The following DYRK2 variants were observed in gnomAD, a reference collection of about 807,000 sequenced individuals.
The protein encoded by DYRK2 is dual specificity tyrosine phosphorylation regulated kinase 2.
A neutral mutation model predicts 41.6 loss-of-function variants in DYRK2; 12 were observed. The ratio of observed to expected loss-of-function variants is 0.29; its 90% CI spans 0.18 to 0.47. DYRK2 has a LOEUF of 0.47. DYRK2 is among the 20% of genes least tolerant of loss of function. The probability of loss-of-function intolerance (pLI) is 1.00; values close to 1 mark genes in which losing one functional copy is unlikely to be tolerated. For missense variants in DYRK2, 678 were observed against 798.4 expected, an observed-to-expected ratio of 0.85 and a Z score of 1.82; for synonymous variants, 322 against 315.7, an observed-to-expected ratio of 1.02 and a Z score of -0.21.
intron 2 of DYRK2, 120 bp from the exon 3 acceptor site, chr12:67,656,986 C>T (rs1565803993): frequency 4.4e-6 from 5 of 1,129,226 alleles, no homozygotes; most frequent in Non-Finnish European, 4.8e-6. Context: ...GGCTTTTACT[C>T]AAACCAAATG....
At position 67,649,922 on chromosome 12, in the gene DYRK2, A is replaced by C. The variant is rs1489658953; in HGVS notation, c.175A>C (p.Asn59His). 1.4e-6 allele frequency: 2 copies of C among 1,380,196 alleles called. No homozygotes were observed. Among genetic ancestry groups the C allele is most frequent in the African/African-American group, 1.5e-5 (1 of 65,694 alleles). The allele number at this position is 1,380,196 out of a possible 1,614,324, so 85.5% of individuals were successfully genotyped here. ...CGCCCTGCCGCCTCTCCGGGCCAGC[A>C]ACGCTGCCGCCGCAGCCCACACGGT... ...PIALPPLRAS[N>H]AAAAAHTIGG... is the part of the protein sequence containing the mutation. Residue 59 changes from asparagine (N) to histidine (H), a missense_variant, in exon 2 of 3, where the codon AAC becomes CAC. By Grantham distance (68) the Asn-to-His change is moderately conservative. This residue lies in a region of DYRK2 where 285 missense variants were observed against 279.2 expected (regional missense o/e 1.02). Transcript: ENST00000344096.
chr12:67,653,966 TAATG>T (rs1872396686), intron 2 of DYRK2, among the ~76,000 whole-genome samples: 1 of 152,336 alleles, frequency 6.6e-6, no homozygotes, highest in South Asian at 2.1e-4. Context: ...AGGACAATAA[TAATG>T]CTCTCATTGA....
In DYRK2 at chr12:67,663,514, C is replaced by A. The variant is rs1209240428; in HGVS notation, c.*4801C>A. ...ATGCCATAAGAGTTCCCAATTGCCT[C>A]GTCATAGCCTGGGCCATAGATTTTT... is the stretch of plus-strand genomic sequence containing the variant. On this transcript the variant is annotated 3_prime_UTR_variant, in exon 3 of 3. Coordinates refer to ENST00000344096, the MANE Select transcript of DYRK2 (RefSeq NM_006482.3). The A allele has an allele frequency of 3.3e-5, 5 of 152,100 alleles. No individual in the cohort carries two copies. Among genetic ancestry groups the A allele is most frequent in the Non-Finnish European group, 5.9e-5 (4 of 67,986 alleles). The allele number at this position is 152,100 out of a possible 1,614,324, so 9.4% of individuals were successfully genotyped here.
intron 2 of DYRK2, among the ~76,000 whole-genome samples, chr12:67,652,201 A>G (rs963307552): frequency 1.6e-4 from 25 of 152,216 alleles, no homozygotes; most frequent in African/African-American, 5.5e-4. Context: ...CTTTTGTTTT[A>G]TATCTCCATG....
At chr12:67,651,392 A>C (rs1872317511) in intron 2 of DYRK2, 1 of 314,410 alleles carries the variant, frequency 3.2e-6, no homozygotes, top group Non-Finnish European at 6.2e-6. Flanking sequence ...TTTGGTTTGC[A>C]TGTGGATTCC....
intron 2 of DYRK2, among the ~76,000 whole-genome samples, chr12:67,652,928 C>A (rs1419718903): frequency 6.6e-6 from 1 of 152,192 alleles, no homozygotes; most frequent in Non-Finnish European, 1.5e-5. Context: ...CTCCGGGGTT[C>A]AAGCGATTCT....
chr12:67,651,218 T>C (rs1872312622), intron 2 of DYRK2, among the ~76,000 whole-genome samples: 2 of 152,244 alleles, frequency 1.3e-5, no homozygotes, highest in Non-Finnish European at 2.9e-5. Context: ...TGTATATTAC[T>C]GTTAAGTGTT....
Position 67,661,974 on chromosome 12 carries a change from G to A in DYRK2, c.*3261G>A, listed in dbSNP as rs1872634287. ...GGCCAGGGATTTTTACAATTTGGGT[G>A]CAAGGCACTTAAGCCACTTTTAAAC... On this transcript the variant is annotated 3_prime_UTR_variant, in exon 3 of 3. Transcript: ENST00000344096. 1 of 166,458 alleles carries A rather than the reference G, an allele frequency of 6.0e-6. No individual in the cohort carries two copies. The highest frequency in any genetic ancestry group is 2.1e-4 in the South Asian group (1 of 4,830). 10.3% of individuals were successfully genotyped at this position (166,458 alleles called of 1,614,324 possible).
Position 67,661,629 on chromosome 12 carries a change from C to G in DYRK2, c.*2916C>G, listed in dbSNP as rs1287097927. Reference sequence around the variant, plus strand: ...AATGGAACCCATCTCTGCAAAGATACATCTGTCTTAAATATCTAGTTACAG... The same window carrying G: ...AATGGAACCCATCTCTGCAAAGATAGATCTGTCTTAAATATCTAGTTACAG... On this transcript the variant is annotated 3_prime_UTR_variant, in exon 3 of 3. Transcript: ENST00000344096. The G allele has an allele frequency of 6.0e-6, 1 of 166,964 alleles. No individual in the cohort carries two copies. Among genetic ancestry groups the G allele is most frequent in the African/African-American group, 2.4e-5 (1 of 41,406 alleles). The allele number at this position is 166,964 out of a possible 1,614,324, so 10.3% of individuals were successfully genotyped here.
At chr12:67,654,505 G>A (rs899568896) in intron 2 of DYRK2, among the ~76,000 whole-genome samples, 9 of 152,202 alleles carry the variant, frequency 5.9e-5, no homozygotes, top group Admixed American at 5.9e-4. Context: ...TTACGATGCT[G>A]CCTCAGTTGT....
chr12:67,652,047 A>T (rs1199679739), intron 2 of DYRK2, among the ~76,000 whole-genome samples: 1 of 151,926 alleles, frequency 6.6e-6, no homozygotes, highest in African/African-American at 2.4e-5. Context: ...TCTAGAATGA[A>T]TGGGGGGCGG....
intron 2 of DYRK2, 119 bp from the exon 3 acceptor site, chr12:67,656,987 A>G: frequency 6.1e-6 from 7 of 1,148,202 alleles, no homozygotes; most frequent in Non-Finnish European, 8.3e-6. Context: ...GCTTTTACTC[A>G]AACCAAATGG....
rs1378553403 is a variant in DYRK2 at position 67,648,951 on chromosome 12, G to T, written c.-183G>T. 5 of 408,752 alleles carry T rather than the reference G, an allele frequency of 1.2e-5. No homozygotes were observed. Among genetic ancestry groups the T allele is most frequent in the Non-Finnish European group, 1.7e-5 (4 of 235,938 alleles). 25.3% of individuals were successfully genotyped at this position (408,752 alleles called of 1,614,324 possible). On this transcript the variant is annotated 5_prime_UTR_variant, in exon 1 of 3. Transcript: ENST00000344096. ...GGAGAGCGGGGGGCTCGCGGCGGCG[G>T]GCCCCGGCCGAGGGGATGCAGTGGA...
intron 2 of DYRK2, among the ~76,000 whole-genome samples, chr12:67,655,579 G>A (rs1235372629): frequency 6.6e-6 from 1 of 152,146 alleles, no homozygotes; most frequent in Non-Finnish European, 1.5e-5. Flanking sequence ...TGATAAAAAA[G>A]CTCAGTTATA....
Position 67,649,857 on chromosome 12 carries a change from C to A in DYRK2, c.110C>A (p.Ala37Asp). The A allele has an allele frequency of 7.3e-7, 1 of 1,366,316 alleles. No homozygotes were observed. Among genetic ancestry groups the A allele is most frequent in the Non-Finnish European group, 9.4e-7 (1 of 1,058,584 alleles). The allele number at this position is 1,366,316 out of a possible 1,614,324, so 84.6% of individuals were successfully genotyped here. Residue 37 changes from alanine to aspartate, a missense_variant, in exon 2 of 3, where the codon GCC becomes GAC. Ala to Asp is a moderately radical substitution (Grantham distance 126, BLOSUM62 -2). Transcript: ENST00000344096. ...LQASPGLGAGATRSGVGTGPP... is the reference protein window; with the variant it reads ...LQASPGLGAGDTRSGVGTGPP... ...GCTTCCCCGGGGCTCGGTGCAGGGG[C>A]CACCCGGAGCGGAGTGGGGACTGGC...
At chr12:67,649,659 C>T in intron 1 of DYRK2, 138 bp from the exon 2 acceptor site, 1 of 1,017,388 alleles carries the variant, frequency 9.8e-7, no homozygotes, top group Admixed American at 4.3e-5. Context: ...GACCCGAACG[C>T]CCGTTTTTAC....
At position 67,659,340 on chromosome 12, in the gene DYRK2, G is replaced by A. The variant is rs1318950658; in HGVS notation, c.*627G>A. The A allele has an allele frequency of 6.0e-6, 1 of 167,106 alleles. No individual in the cohort carries two copies. Among genetic ancestry groups the A allele is most frequent in the Non-Finnish European group, 1.5e-5 (1 of 68,128 alleles). 10.4% of individuals were successfully genotyped at this position (167,106 alleles called of 1,614,324 possible). A position where few individuals can be genotyped will look rare whatever the true frequency, so the allele number is the denominator to read the frequency against. ...TTCTGACATTCTAAAAGCCGGCAAA[G>A]CAGCTTTTAGTGGATAAATGGGAAT... On this transcript the variant is annotated 3_prime_UTR_variant, in exon 3 of 3. Coordinates refer to ENST00000344096, the MANE Select transcript of DYRK2 (RefSeq NM_006482.3).
rs1872568514 is a variant in DYRK2, at chr12:67,659,434, TAC to T, written c.*723_*724del. 1.2e-5 allele frequency: 2 copies of T among 167,100 alleles called. No homozygotes were observed. Among genetic ancestry groups the T allele is most frequent in the Non-Finnish European group, 2.9e-5 (2 of 68,124 alleles). The allele number at this position is 167,100 out of a possible 1,614,324, so 10.4% of individuals were successfully genotyped here. ...GCTGTTTTGTAAAGAAGCCTCATATTACAGAGTTGCTTTTGCACCTAAATTTA... is the reference window on the plus strand; with the variant it reads ...GCTGTTTTGTAAAGAAGCCTCATATTAGAGTTGCTTTTGCACCTAAATTTA... On this transcript the variant is annotated 3_prime_UTR_variant, in exon 3 of 3. Transcript: ENST00000344096.
At chr12:67,649,579 C>T (rs991495467) in intron 1 of DYRK2, 2 of 518,360 alleles carry the variant, frequency 3.9e-6, no homozygotes, top group African/African-American at 2.0e-5. Flanking sequence ...GTCGCGAACT[C>T]GCGCGCCAGG....
Sources: allele counts gnomAD v4.1 joint callset (sites outside exome capture counted in the v4.1 genomes callset), GRCh38; gene constraint gnomAD v4.1.1; regional missense constraint gnomAD v4.1.1; transcripts MANE v1.5; gene names NCBI Gene and HGNC (gene_info 2026-07-23, HGNC 2026-07-21).